Variants in MCFD2 observed in about 807,000 individuals in gnomAD.
The protein encoded by MCFD2 is multiple coagulation factor deficiency 2, ER cargo receptor complex subunit.
Under a neutral mutation model 12.8 loss-of-function variants are expected in MCFD2, and 11 were observed. That is an observed-to-expected ratio of 0.86 (90% CI 0.54 to 1.42). The LOEUF (loss-of-function observed/expected upper bound fraction) is 1.42, where lower values mean the gene tolerates loss of function less well. MCFD2 is among the 40% of genes most tolerant of loss of function. The pLI is 0.00. For synonymous variants in MCFD2, 70 were observed against 68.1 expected (o/e 1.03, Z -0.14); for missense variants, 191 against 178.6 (o/e 1.07, Z -0.40).
At chr2:46,932,575 GAAGAA>G (rs1222180061) in intron 1 of MCFD2, among the ~76,000 whole-genome samples, 1 of 151,872 alleles carries the variant, frequency 6.6e-6, no homozygotes, top group African/African-American at 2.4e-5. Flanking sequence ...AGAAAAAGAG[GAAGAA>G]AAGAAAGAGA....
upstream of MCFD2, among the ~76,000 whole-genome samples, chr2:46,920,216 A>G (rs1446500): frequency 0.12 from 18,253 of 152,136 alleles, 2,184 homozygotes; most frequent in African/African-American, 0.31. Flanking sequence ...TATGTATTAA[A>G]TCACATAAAT....
intron 3 of MCFD2, chr2:46,906,050 G>A (rs921568431): frequency 1.1e-5 from 5 of 469,698 alleles, no homozygotes; most frequent in Non-Finnish European, 2.2e-5. Flanking sequence ...AGAAGGCACT[G>A]CCGATGAGCA....
chr2:46,905,435 A>G lies in MCFD2; in HGVS notation c.*28T>C. The G allele has an allele frequency of 8.7e-6, 14 of 1,611,428 alleles. No individual in the cohort carries two copies. Among genetic ancestry groups the G allele is most frequent in the East Asian group, 2.2e-5 (1 of 44,836 alleles). On this transcript the variant is annotated 3_prime_UTR_variant, in exon 4 of 4. Transcript: ENST00000319466. ...TCACATTATCACGGGTCACATTTGT[A>G]TATAACCAGGAGATGGCCAAATAAC...
intron 1 of MCFD2, among the ~76,000 whole-genome samples, chr2:46,921,882 G>T (rs1669123207): frequency 6.8e-6 from 1 of 148,032 alleles, no homozygotes; most frequent in African/African-American, 2.6e-5. Context: ...GACACTGACA[G>T]GAGGCATAGC....
intron 1 of MCFD2, among the ~76,000 whole-genome samples, chr2:46,928,954 G>A (rs1212141348): frequency 6.6e-6 from 1 of 152,134 alleles, no homozygotes; most frequent in Non-Finnish European, 1.5e-5. Flanking sequence ...CTTGAGGTGA[G>A]GATTTTGAGA....
chr2:46,938,094 A>G (rs1451299270), intron 1 of MCFD2, among the ~76,000 whole-genome samples: 2 of 152,182 alleles, frequency 1.3e-5, no homozygotes, highest in African/African-American at 4.8e-5. Context: ...AACAAAAACT[A>G]GAATGGGAAA....
chr2:46,907,937 T>A lies in MCFD2; in HGVS notation c.182A>T (p.Asn61Ile). ...HIMEHLEGVI[N>I]KPEAEMSPQE... ...TGGCGACATCTCCGCCTCTGGTTTGTTGATGACACCTTCTAGATGCTCCAT... is the reference window on the plus strand; with the variant it reads ...TGGCGACATCTCCGCCTCTGGTTTGATGATGACACCTTCTAGATGCTCCAT... Residue 61 changes from asparagine (N) to isoleucine (I), a missense_variant, in exon 3 of 4, where the codon AAC becomes ATC. Coordinates refer to ENST00000319466, the MANE Select transcript of MCFD2 (RefSeq NM_139279.6). This position sits in a 1 kb window ranked among gnomAD's most constrained non-coding sequence, Gnocchi z 4.1. 1 of 1,614,236 alleles carries A rather than the reference T, an allele frequency of 6.2e-7. No individual in the cohort carries two copies. Among genetic ancestry groups the A allele is most frequent in the Non-Finnish European group, 8.5e-7 (1 of 1,180,044 alleles).
rs1670310699 is a variant in MCFD2 at position 46,941,160 on chromosome 2, G to A, written c.-8+412C>T. 6.8e-6 allele frequency: 1 copy of A among 147,834 alleles called. No homozygotes were observed. Among genetic ancestry groups the A allele is most frequent in the South Asian group, 1.8e-4 (1 of 5,640 alleles). 9.2% of individuals were successfully genotyped at this position (147,834 alleles called of 1,614,324 possible). A position where few individuals can be genotyped will look rare whatever the true frequency, so the allele number is the denominator to read the frequency against. ...CGCCGAGGCCTCCCCACGCCCCCGC[G>A]GGGGTGGAGCCGCGGCCAGGGGCGG... is the stretch of plus-strand genomic sequence containing the variant. On this transcript the variant is annotated intron_variant, in intron 1 of 2. Transcript: ENST00000409147. The surrounding 1 kb of genome is among the most constrained non-coding windows in gnomAD (Gnocchi z 4.2).
chr2:46,908,909 T>C lies in MCFD2; in HGVS notation c.149+114A>G, dbSNP rs569593390. The C allele has an allele frequency of 1.3e-4, 179 of 1,343,850 alleles. No individual in the cohort carries two copies. The highest frequency in any genetic ancestry group is 6.6e-5 in the Non-Finnish European group (62 of 935,796). 83.2% of individuals were successfully genotyped at this position (1,343,850 alleles called of 1,614,324 possible). ...GAATAAGAATCATCCTTGAAGAATGTCAAGGAGCCATAGAAACAGGAAGAA... is the reference window on the plus strand; with the variant it reads ...GAATAAGAATCATCCTTGAAGAATGCCAAGGAGCCATAGAAACAGGAAGAA... On this transcript the variant is annotated intron_variant, in intron 2 of 3. Transcript: ENST00000319466. The surrounding 1 kb of genome is among the most constrained non-coding windows in gnomAD (Gnocchi z 4.5).
At chr2:46,905,647 G>T in intron 3 of MCFD2, 53 bp from the exon 4 acceptor site, 2 of 1,491,728 alleles carry the variant, frequency 1.3e-6, no homozygotes, top group Non-Finnish European at 9.2e-7. Flanking sequence ...CGGAAGAAGT[G>T]CTTAACTAAC....
rs1156745185 is a variant in MCFD2 at position 46,903,437 on chromosome 2, G to A, written c.*2026C>T. On this transcript the variant is annotated 3_prime_UTR_variant, in exon 4 of 4. Coordinates refer to ENST00000319466, the MANE Select transcript of MCFD2 (RefSeq NM_139279.6). ...CTTTGGAACTGGGTAACAGGCAGAG[G>A]CTGGAACAGTTTGGAGGGCTCAGAA... is the stretch of plus-strand genomic sequence containing the variant. The A allele has an allele frequency of 1.3e-5, 2 of 152,538 alleles. No homozygotes were observed. Among genetic ancestry groups the A allele is most frequent in the Non-Finnish European group, 2.9e-5 (2 of 68,310 alleles). The allele number at this position is 152,538 out of a possible 1,614,324, so 9.4% of individuals were successfully genotyped here.
At chr2:46,917,860 C>T (rs547958841), upstream of MCFD2, among the ~76,000 whole-genome samples, 1 of 152,348 alleles carries the variant, frequency 6.6e-6, no homozygotes, top group South Asian at 2.1e-4. Context: ...TCTGACACCA[C>T]ACACTCTGGG....
chr2:46,929,378 T>C (rs765204090), intron 1 of MCFD2, among the ~76,000 whole-genome samples: 15 of 152,046 alleles, frequency 9.9e-5, no homozygotes, highest in East Asian at 5.8e-4. Flanking sequence ...TTCTAGCTAC[T>C]TGGGAGGCTG....
chr2:46,915,824 C>CGG, upstream of MCFD2: 1 of 267,406 alleles, frequency 3.7e-6, no homozygotes, highest in Non-Finnish European at 5.3e-6. Context: ...CCCCCCCCCC[C>CGG]CCCGACCTGC....
intron 1 of MCFD2, among the ~76,000 whole-genome samples, chr2:46,925,702 G>C (rs1669352445): frequency 1.3e-5 from 2 of 152,070 alleles, no homozygotes; most frequent in African/African-American, 4.8e-5. Flanking sequence ...AAAAACCCAT[G>C]TTTATTTTTC....
At chr2:46,923,818 T>G (rs886456257) in intron 1 of MCFD2, among the ~76,000 whole-genome samples, 4 of 152,004 alleles carry the variant, frequency 2.6e-5, no homozygotes, top group Non-Finnish European at 5.9e-5. Context: ...CTGCAACCTC[T>G]GCCTCCCAGG....
intron 1 of MCFD2, among the ~76,000 whole-genome samples, chr2:46,911,835 A>G (rs957315240): frequency 7.6e-4 from 115 of 152,196 alleles, no homozygotes; most frequent in African/African-American, 2.6e-3. Context: ...CTGCGGCAGG[A>G]GAATGGCATG....
chr2:46,933,217 G>A (rs1669803514), intron 1 of MCFD2, among the ~76,000 whole-genome samples: 1 of 152,176 alleles, frequency 6.6e-6, no homozygotes, highest in African/African-American at 2.4e-5. Flanking sequence ...AGTCACCTGG[G>A]ACCCCGAGGA....
rs1668153406 is a variant in MCFD2 at position 46,904,886 on chromosome 2, T to C, written c.*577A>G. On this transcript the variant is annotated 3_prime_UTR_variant, in exon 4 of 4. Coordinates refer to ENST00000319466, the MANE Select transcript of MCFD2 (RefSeq NM_139279.6). ...GGGGTAGAATGATATGGTTTGGCTA[T>C]GTCCCCACCCAAATCTCAACTTGAA... 1 of 191,450 alleles carries C rather than the reference T, an allele frequency of 5.2e-6. No individual in the cohort carries two copies. The highest frequency in any genetic ancestry group is 1.1e-5 in the Non-Finnish European group (1 of 91,704). The allele number at this position is 191,450 out of a possible 1,614,324, so 11.9% of individuals were successfully genotyped here.
Sources: allele counts gnomAD v4.1 joint callset (sites outside exome capture counted in the v4.1 genomes callset), GRCh38; gene constraint gnomAD v4.1.1; non-coding constraint Gnocchi (gnomAD v3.1); transcripts MANE v1.5; gene names NCBI Gene and HGNC (gene_info 2026-07-23, HGNC 2026-07-21).